Variants in CCSER1 observed in about 807,000 individuals in gnomAD.
The protein encoded by CCSER1 is coiled-coil serine rich protein 1.
In CCSER1, 41 loss-of-function variants were observed where a neutral mutation model predicts 82.0. The ratio of observed to expected loss-of-function variants is 0.50; its 90% confidence interval spans 0.39 to 0.65. The LOEUF is 0.65. Ranked by LOEUF, CCSER1 falls within the 30% of genes least tolerant of loss-of-function variation. CCSER1 has a pLI of 0.00. For synonymous variants in CCSER1, 414 were observed against 383.9 expected (o/e 1.08, Z -0.92); for missense variants, 1,119 against 1,064.2 (o/e 1.05, Z -0.72).
chr4:91,172,886 A>G (rs1255390406), intron 10 of CCSER1, among the ~76,000 whole-genome samples: 1 of 152,210 alleles, frequency 6.6e-6, no homozygotes, highest in Non-Finnish European at 1.5e-5. Flanking sequence ...TATTAAACAT[A>G]CTGATATCTA....
At chr4:91,351,959 C>T (rs75568515) in intron 10 of CCSER1, among the ~76,000 whole-genome samples, 6,985 of 151,970 alleles carry the variant, frequency 0.046, 543 homozygotes, top group African/African-American at 0.16. Context: ...GACTTCTGAG[C>T]GCTGAAATGC....
In CCSER1 at chr4:90,494,274, A is replaced by T. The variant is rs543780268; in HGVS notation, c.1724+25920A>T. Among the ~76,000 whole-genome samples the T allele has an allele frequency of 7.2e-5, 11 of 152,342 alleles. No individual in the cohort carries two copies. The East Asian group carries it at 2.1e-3, about 29-fold the overall frequency. ...ACCCAGATTCATAAAGCAAGTACTT[A>T]GTGACCGACAAAGAGACTTAGACTC... On this transcript the variant is annotated intron_variant, in intron 5 of 10. Transcript: ENST00000509176.
intron 7 of CCSER1, among the ~76,000 whole-genome samples, chr4:90,753,278 G>C (rs1392119868): frequency 2.0e-5 from 3 of 152,130 alleles, no homozygotes; most frequent in Admixed American, 6.5e-5. Flanking sequence ...CTCTGGTGAA[G>C]GAGAATGCAT....
At chr4:91,493,542 G>A (rs965319268) in intron 10 of CCSER1, among the ~76,000 whole-genome samples, 1 of 151,510 alleles carries the variant, frequency 6.6e-6, no homozygotes, top group Admixed American at 6.6e-5. Context: ...AATAATTATG[G>A]AATTCTTATT....
rs200607986 is a variant in CCSER1 at position 90,856,933 on chromosome 4, A to AT, written c.2094+41103dup. On this transcript the variant is annotated intron_variant, in intron 8 of 10. Coordinates refer to ENST00000509176, the MANE Select transcript of CCSER1 (RefSeq NM_001145065.2). ...CTGGCAGGGACTCATTCGGAGCTGG[A>AT]TTTTTTTTTTTTTTTAAGACTACAA... 2.1e-3 allele frequency among the ~76,000 whole-genome samples: 296 copies of AT among 139,538 alleles called. 2 individuals carry two copies. The highest frequency in any genetic ancestry group is 3.1e-3 in the Non-Finnish European group (196 of 63,420). The allele number at this position is 139,538 out of a possible 152,430, so 91.5% of individuals were successfully genotyped here.
chr4:90,149,765 A>G (rs929086795), intron 1 of CCSER1, among the ~76,000 whole-genome samples: 1 of 152,104 alleles, frequency 6.6e-6, no homozygotes, highest in Non-Finnish European at 1.5e-5. Flanking sequence ...GTGCTCTTGA[A>G]CTTTGCTTAA....
intron 9 of CCSER1, among the ~76,000 whole-genome samples, chr4:90,961,184 A>G (rs1456613926): frequency 6.6e-6 from 1 of 152,134 alleles, no homozygotes; most frequent in Non-Finnish European, 1.5e-5. Flanking sequence ...ACCTGTCATC[A>G]TGCGTTCCTT....
intron 10 of CCSER1, among the ~76,000 whole-genome samples, chr4:91,155,585 A>G (rs536734318): frequency 2.6e-5 from 4 of 152,142 alleles, no homozygotes; most frequent in Admixed American, 2.0e-4. Context: ...TCAACTTTCC[A>G]TATCATTTTC....
rs768009678 is a variant in CCSER1 at position 91,589,901 on chromosome 4, TAC to T, written c.2218-8658_2218-8657del. 5.4e-5 allele frequency among the ~76,000 whole-genome samples: 8 copies of T among 146,820 alleles called. No individual in the cohort carries two copies. In the East Asian group the frequency reaches 7.9e-4, roughly 14 times the overall value. ...GACACAGAGTGGGTGATCACACATATACACACACACACACTCTCTCACACATA... is the reference window on the plus strand; with the variant it reads ...GACACAGAGTGGGTGATCACACATATACACACACACACTCTCTCACACATA... On this transcript the variant is annotated intron_variant, in intron 10 of 10. Transcript: ENST00000509176.
At chr4:91,359,673 T>G (rs1415535511) in intron 10 of CCSER1, among the ~76,000 whole-genome samples, 1 of 151,822 alleles carries the variant, frequency 6.6e-6, no homozygotes, top group Non-Finnish European at 1.5e-5. Flanking sequence ...GAAAAGGATA[T>G]TGAAAAAGGG....
At chr4:90,698,357 G>C (rs1737366074) in intron 6 of CCSER1, among the ~76,000 whole-genome samples, 1 of 152,132 alleles carries the variant, frequency 6.6e-6, no homozygotes, top group South Asian at 2.1e-4. Context: ...CTGACATCTA[G>C]GTGTGAAAAG....
At chr4:90,356,344 C>T (rs918524991) in intron 3 of CCSER1, among the ~76,000 whole-genome samples, 2 of 151,500 alleles carry the variant, frequency 1.3e-5, no homozygotes, top group Admixed American at 6.6e-5. Flanking sequence ...AATGTGATTG[C>T]AATATATGTA....
chr4:90,252,675 A>G (rs1381599766), intron 1 of CCSER1, among the ~76,000 whole-genome samples: 1 of 151,906 alleles, frequency 6.6e-6, no homozygotes, highest in East Asian at 1.9e-4. Context: ...CAATTAAATT[A>G]TTATTGATTA....
At chr4:90,278,521 G>A (rs891175047) in intron 1 of CCSER1, among the ~76,000 whole-genome samples, 2 of 151,988 alleles carry the variant, frequency 1.3e-5, no homozygotes, top group Non-Finnish European at 2.9e-5. Flanking sequence ...TCAGTCCTTT[G>A]CAGCAACATG....
intron 9 of CCSER1, among the ~76,000 whole-genome samples, chr4:91,003,105 GC>G (rs1738186555): frequency 6.6e-6 from 1 of 152,204 alleles, no homozygotes; most frequent in Admixed American, 6.5e-5. Flanking sequence ...TGAACCATCT[GC>G]AGGTCTCATA....
intron 4 of CCSER1, among the ~76,000 whole-genome samples, chr4:90,416,703 T>G (rs903308914): frequency 1.3e-5 from 2 of 152,226 alleles, no homozygotes; most frequent in African/African-American, 4.8e-5. Flanking sequence ...TTATCATTAT[T>G]ATAAATTATT....
intron 1 of CCSER1, among the ~76,000 whole-genome samples, chr4:90,174,233 T>C (rs984865230): frequency 1.3e-5 from 2 of 151,916 alleles, no homozygotes; most frequent in African/African-American, 4.8e-5. Flanking sequence ...AAGAAAAATC[T>C]GTATATACCA....
At chr4:90,389,389 A>G (rs144505369) in intron 3 of CCSER1, among the ~76,000 whole-genome samples, 39 of 152,318 alleles carry the variant, frequency 2.6e-4, no homozygotes, top group East Asian at 1.5e-3. Flanking sequence ...ATTACATATG[A>G]GTGCTTTTTC....
intron 6 of CCSER1, chr4:90,663,749 T>A (rs1195638417): frequency 6.1e-6 from 1 of 164,986 alleles, no homozygotes; most frequent in Non-Finnish European, 1.4e-5. Flanking sequence ...GTTATGTTAT[T>A]TCCCATTGCA....
Sources: gnomAD v4.1 joint callset for allele counts (sites outside exome capture counted in the v4.1 genomes callset) on GRCh38, gnomAD v4.1.1 for gene constraint, MANE v1.5 for transcripts, NCBI Gene and HGNC (gene_info 2026-07-23, HGNC 2026-07-21) for gene names.